The following ABR variants were observed in gnomAD, a reference collection of about 807,000 sequenced individuals.
The protein encoded by ABR is active breakpoint cluster region-related protein.
In ABR, 35 loss-of-function variants were observed where a neutral mutation model predicts 107.2. The observed-to-expected ratio is 0.33, with a 90% confidence interval of 0.25 to 0.43. The LOEUF (loss-of-function observed/expected upper bound fraction) is 0.43. Among genes scored for constraint, ABR ranks in the 20% least tolerant of loss-of-function variants. The pLI is 1.00. For synonymous variants in ABR, 498 were observed against 462.0 expected (o/e 1.08, Z -1.00); for missense variants, 815 against 1,115.2 (o/e 0.73, Z 3.83).
chr17:1,103,440 C>A (rs575146029), intron 2 of ABR, among the ~76,000 whole-genome samples: 10 of 152,310 alleles, frequency 6.6e-5, no homozygotes, highest in African/African-American at 9.6e-5. Flanking sequence ...CTGTTCCCTG[C>A]CAACCAAGGT....
intron 2 of ABR, chr17:1,115,320 C>T (rs1470781267): frequency 6.6e-6 from 1 of 152,292 alleles, no homozygotes; most frequent in East Asian, 1.9e-4. Context: ...CTGGCACGTT[C>T]TCACTTCCAG....
At chr17:1,025,928 G>A (rs1202507552) in intron 16 of ABR, among the ~76,000 whole-genome samples, 1 of 152,208 alleles carries the variant, frequency 6.6e-6, no homozygotes, top group Non-Finnish European at 1.5e-5. Context: ...CATGGGGGAA[G>A]GAGGTGACAA....
chr17:1,137,824 C>A (rs910503881), intron 1 of ABR, among the ~76,000 whole-genome samples: 5 of 152,060 alleles, frequency 3.3e-5, no homozygotes, highest in Admixed American at 2.0e-4. Context: ...TGCCGTAAAG[C>A]GAGGTATGCC....
chr17:1,145,538 G>A (rs923350260), intron 1 of ABR, among the ~76,000 whole-genome samples: 17 of 152,202 alleles, frequency 1.1e-4, no homozygotes, highest in African/African-American at 4.1e-4. Flanking sequence ...CAATCCAACG[G>A]TGCTCACCAC....
At chr17:1,189,790 G>A (rs1225677096), upstream of ABR, among the ~76,000 whole-genome samples, 2 of 152,148 alleles carry the variant, frequency 1.3e-5, no homozygotes, top group South Asian at 2.1e-4. Flanking sequence ...TCTTGTAAAC[G>A]TTCAATGCCT....
Position 1,050,029 on chromosome 17 carries a change from G to T in ABR, c.1791+21C>A, listed in dbSNP as rs78108823. ...ACCTCCTGGAGGCTCCCTCAGCCTC[G>T]CCCCGGCGCCCTGGCCTCACCTGGA... On this transcript the variant is annotated intron_variant, in intron 16 of 22. Transcript: ENST00000302538. The surrounding 1 kb of genome is among the most constrained non-coding windows in gnomAD (Gnocchi z 4.6). 8.7e-6 allele frequency: 14 copies of T among 1,606,634 alleles called. No homozygotes were observed. Among genetic ancestry groups the T allele is most frequent in the Non-Finnish European group, 8.5e-6 (10 of 1,177,332 alleles).
At position 1,011,768 on chromosome 17, in the gene ABR, C is replaced by A; in HGVS notation, c.2101+78G>T. 6.8e-7 allele frequency: 1 copy of A among 1,477,138 alleles called. No homozygotes were observed. The highest frequency in any genetic ancestry group is 9.0e-7 in the Non-Finnish European group (1 of 1,109,960). 91.5% of individuals were successfully genotyped at this position (1,477,138 alleles called of 1,614,324 possible). On this transcript the variant is annotated intron_variant, in intron 19 of 22. Coordinates refer to ENST00000302538, the MANE Select transcript of ABR (RefSeq NM_021962.5). The surrounding 1 kb of genome is among the most constrained non-coding windows in gnomAD (Gnocchi z 4.8). ...CTCCTCTCCAGGGAGGCTCCTGGTT[C>A]CCCCGAGCTCTCCTGTCCATCCCAC...
intron 1 of ABR, among the ~76,000 whole-genome samples, chr17:1,213,473 T>C (rs901575974): frequency 6.7e-5 from 10 of 148,572 alleles, no homozygotes; most frequent in Non-Finnish European, 1.3e-4. Context: ...CACTGCAACC[T>C]CCGCCTCCCA....
intron 16 of ABR, among the ~76,000 whole-genome samples, chr17:1,048,998 C>T (rs915771398): frequency 1.4e-4 from 21 of 152,154 alleles, no homozygotes; most frequent in African/African-American, 4.6e-4. Context: ...GGAGTGTGAG[C>T]GGCTCCACCA....
chr17:1,091,050 G>A (rs1258201312), intron 4 of ABR, among the ~76,000 whole-genome samples: 2 of 152,164 alleles, frequency 1.3e-5, no homozygotes, highest in Non-Finnish European at 2.9e-5. Flanking sequence ...CACTCCTGCC[G>A]CTCCCGACCC....
intron 2 of ABR, 88 bp from the exon 3 acceptor site, chr17:1,100,823 C>G (rs1014841338): frequency 1.6e-6 from 2 of 1,267,996 alleles, no homozygotes; most frequent in Admixed American, 1.8e-5. Flanking sequence ...CCTTCCCCCC[C>G]GACCTTTATT....
intron 1 of ABR, among the ~76,000 whole-genome samples, chr17:1,185,939 G>A (rs1489153257): frequency 3.9e-5 from 6 of 152,060 alleles, no homozygotes; most frequent in African/African-American, 9.6e-5. Flanking sequence ...GGGTTCAAGC[G>A]ATTCTCCTGC....
chr17:1,045,491 T>C (rs72477061), intron 16 of ABR, among the ~76,000 whole-genome samples: 1,833 of 143,068 alleles, frequency 0.013, 20 homozygotes, highest in East Asian at 0.026. Flanking sequence ...CGTCTTCTTA[T>C]AGCAGGAGGC....
rs923453011 is a variant in ABR, at chr17:1,043,312, C to G, written c.1791+6738G>C. ...TGTCCCGAATAGCTGGGACTACAGG[C>G]GTGCACCACCACGCCCGGCTAATTT... On this transcript the variant is annotated intron_variant, in intron 16 of 22. Coordinates refer to ENST00000302538, the MANE Select transcript of ABR (RefSeq NM_021962.5). 9.2e-5 allele frequency among the ~76,000 whole-genome samples: 14 copies of G among 152,096 alleles called. 1 individual carries two copies. Among genetic ancestry groups the G allele is most frequent in the African/African-American group, 3.4e-4 (14 of 41,400 alleles).
At chr17:1,118,742 C>T (rs1364120257) in intron 2 of ABR, among the ~76,000 whole-genome samples, 3 of 344 alleles carry the variant, frequency 8.7e-3, no homozygotes, top group Admixed American at 0.029. Context: ...GCCTGAGTTC[C>T]TCCCAGCGTT....
At position 1,078,764 on chromosome 17, in the gene ABR, C is replaced by A; in HGVS notation, c.700+566G>T. ...CACATCTAAGCCCACTCCAGCCGGC[C>A]CCCAGAGGTGGGAGGGTCCGCCACC... On this transcript the variant is annotated intron_variant, in intron 6 of 22. Coordinates refer to ENST00000302538, the MANE Select transcript of ABR (RefSeq NM_021962.5). The surrounding 1 kb of genome is among the most constrained non-coding windows in gnomAD (Gnocchi z 7.5). The A allele has an allele frequency of 2.6e-6, 4 of 1,526,772 alleles. No individual in the cohort carries two copies. The highest frequency in any genetic ancestry group is 3.5e-6 in the Non-Finnish European group (4 of 1,139,382). 94.6% of individuals were successfully genotyped at this position (1,526,772 alleles called of 1,614,324 possible).
chr17:1,083,749 G>A (rs1002856215), intron 4 of ABR, 122 bp from the exon 5 acceptor site: 37 of 794,610 alleles, frequency 4.7e-5, no homozygotes, highest in Admixed American at 2.1e-4. Flanking sequence ...CACTCAGCTC[G>A]TTGGGAACTT....
intron 2 of ABR, 185 bp from the exon 3 acceptor site, chr17:1,100,920 T>G: frequency 1.6e-4 from 92 of 570,296 alleles, no homozygotes; most frequent in East Asian, 2.7e-4. Context: ...GCCTCCCGGG[T>G]TCCAGTGATT....
Position 1,179,546 on chromosome 17 carries a change from C to T in ABR, c.61+121G>A. The T allele has an allele frequency of 8.9e-7, 1 of 1,119,808 alleles. No individual in the cohort carries two copies. Among genetic ancestry groups the T allele is most frequent in the Non-Finnish European group, 1.2e-6 (1 of 844,194 alleles). 69.4% of individuals were successfully genotyped at this position (1,119,808 alleles called of 1,614,324 possible). On this transcript the variant is annotated intron_variant, in intron 1 of 22. Coordinates refer to ENST00000302538, the MANE Select transcript of ABR (RefSeq NM_021962.5). This position sits in a 1 kb window ranked among gnomAD's most constrained non-coding sequence, Gnocchi z 4.9. The stretch of plus-strand genomic sequence containing the variant: ...TCGCCCCCGCCCGCGCTCCCCGGAC[C>T]AGCCCGGTGCCTGGGTCCCGATCCC...
Sources: gnomAD v4.1 joint callset for allele counts (sites outside exome capture counted in the v4.1 genomes callset) on GRCh38, gnomAD v4.1.1 for gene constraint, Gnocchi (gnomAD v3.1) non-coding constraint, MANE v1.5 for transcripts, NCBI Gene and HGNC (gene_info 2026-07-23, HGNC 2026-07-21) for gene names.